SNCAIP: variants seen among roughly 807,000 people sequenced by gnomAD.
SNCAIP encodes synphilin-1.
A neutral mutation model predicts 86.7 loss-of-function variants in SNCAIP; 43 were observed. That is an observed-to-expected ratio of 0.50 (90% CI 0.39 to 0.64). The LOEUF is 0.64. Ranked by LOEUF, SNCAIP falls within the 30% of genes least tolerant of loss-of-function variation. SNCAIP has a pLI of 0.00. For missense variants in SNCAIP, 981 were observed against 1,103.1 expected (o/e 0.89, Z 1.57); for synonymous variants, 417 against 427.2 (o/e 0.98, Z 0.29).
intron 6 of SNCAIP, chr5:122,440,407 A>G: frequency 1.8e-6 from 1 of 545,172 alleles, no homozygotes; most frequent in African/African-American, 1.9e-5. Context: ...GAGCGCTTCC[A>G]AGGGAGCTTC....
intron 1 of SNCAIP, among the ~76,000 whole-genome samples, chr5:122,315,626 C>G (rs1205278912): frequency 6.6e-6 from 1 of 152,130 alleles, no homozygotes; most frequent in African/African-American, 2.4e-5. Flanking sequence ...CATATTGGAG[C>G]CTGCTTAGCA....
chr5:122,403,912 A>G (rs1014726059), intron 3 of SNCAIP, 47 bp downstream of exon 3: 2 of 1,436,334 alleles, frequency 1.4e-6, no homozygotes, highest in East Asian at 2.3e-5. Flanking sequence ...CTCAGTGTTA[A>G]TGGCTCCTGG....
chr5:122,460,166 GGC>G lies in SNCAIP; in HGVS notation c.2755-3324_2755-3323del, dbSNP rs907359995. ...AAACAGGGTCTTGCTCAGTCACCTAGGCTGCAGTGCAGTCGTGTGATCTTGGC... is the reference window on the plus strand; with the variant it reads ...AAACAGGGTCTTGCTCAGTCACCTAGTGCAGTGCAGTCGTGTGATCTTGGC... On this transcript the variant is annotated intron_variant, in intron 10 of 10. Coordinates refer to ENST00000261368, the MANE Select transcript of SNCAIP (RefSeq NM_005460.4). Among the ~76,000 whole-genome samples, 58 of 151,298 alleles carry G rather than the reference GGC, an allele frequency of 3.8e-4. 1 individual carries two copies. Among genetic ancestry groups the G allele is most frequent in the Admixed American group, 3.4e-3 (52 of 15,196 alleles).
chr5:122,346,936 T>G (rs1758726019), intron 1 of SNCAIP, among the ~76,000 whole-genome samples: 1 of 152,010 alleles, frequency 6.6e-6, no homozygotes, highest in South Asian at 2.1e-4. Context: ...ATTAATGATA[T>G]GGATACAATT....
intron 1 of SNCAIP, among the ~76,000 whole-genome samples, chr5:122,315,430 A>G (rs1029517172): frequency 6.6e-6 from 1 of 152,216 alleles, no homozygotes; most frequent in Non-Finnish European, 1.5e-5. Flanking sequence ...CTTGAATCAC[A>G]TTAGCTACTC....
chr5:122,374,578 G>C (rs1004259220), intron 1 of SNCAIP, among the ~76,000 whole-genome samples: 15 of 152,092 alleles, frequency 9.9e-5, no homozygotes, highest in African/African-American at 3.6e-4. Flanking sequence ...TTCCAAAAGG[G>C]TCTCTAGAAA....
In SNCAIP at chr5:122,450,623, A is replaced by G. The variant is rs1783522270; in HGVS notation, c.1776A>G (p.Gln592=). The G allele has an allele frequency of 6.2e-7, 1 of 1,614,126 alleles. No individual in the cohort carries two copies. The highest frequency in any genetic ancestry group is 1.1e-5 in the South Asian group (1 of 91,078). ...DSVAKSKPGV[Q]EGIQVLGSLS... ...TAGCCAAAAGCAAGCCAGGAGTCCA[A>G]GAGGGGATTCAGGTTCTTGGAAGCC... is the stretch of plus-strand genomic sequence containing the variant. The change falls in exon 10 of 11, where the codon CAA becomes CAG. Residue 592 remains glutamine, a synonymous_variant. Coordinates refer to ENST00000261368, the MANE Select transcript of SNCAIP (RefSeq NM_005460.4).
At chr5:122,333,884 T>C (rs1022647478) in intron 1 of SNCAIP, among the ~76,000 whole-genome samples, 1 of 152,188 alleles carries the variant, frequency 6.6e-6, no homozygotes, top group African/African-American at 2.4e-5. Flanking sequence ...AAGGCCACAG[T>C]GGGCTGAATT....
chr5:122,381,148 G>A, intron 1 of SNCAIP, among the ~76,000 whole-genome samples: 2 of 140,174 alleles, frequency 1.4e-5, no homozygotes, highest in Admixed American at 7.1e-5. Context: ...GGGTGTTAAA[G>A]TCTCCCATTA....
At chr5:122,359,531 T>C (rs1354058310) in intron 1 of SNCAIP, among the ~76,000 whole-genome samples, 1 of 151,454 alleles carries the variant, frequency 6.6e-6, no homozygotes, top group Non-Finnish European at 1.5e-5. Flanking sequence ...GCCTGGCAAA[T>C]TTTTTGTATT....
intron 6 of SNCAIP, among the ~76,000 whole-genome samples, chr5:122,435,756 C>T (rs1308471860): frequency 2.6e-5 from 4 of 152,004 alleles, no homozygotes; most frequent in Non-Finnish European, 5.9e-5. Flanking sequence ...GGGGTGTTCC[C>T]GCAGGCTGTG....
chr5:122,406,758 G>T (rs1021152330), intron 3 of SNCAIP, among the ~76,000 whole-genome samples: 2 of 152,098 alleles, frequency 1.3e-5, no homozygotes, highest in Non-Finnish European at 2.9e-5. Flanking sequence ...AGCAGAAGCC[G>T]CTATGCTTCC....
chr5:122,338,559 C>A (rs1319739714), intron 1 of SNCAIP, among the ~76,000 whole-genome samples: 1 of 152,110 alleles, frequency 6.6e-6, no homozygotes, highest in East Asian at 1.9e-4. Context: ...ATTTCGTATG[C>A]ACACATATAT....
chr5:122,385,855 A>G (rs1022549388), intron 1 of SNCAIP, among the ~76,000 whole-genome samples: 10 of 152,200 alleles, frequency 6.6e-5, no homozygotes, highest in Non-Finnish European at 1.3e-4. Flanking sequence ...CTTACTTTTA[A>G]TTACCAGGCC....
At chr5:122,411,426 T>C (rs10053331) in intron 3 of SNCAIP, among the ~76,000 whole-genome samples, 6,123 of 152,232 alleles carry the variant, frequency 0.04, 392 homozygotes, top group African/African-American at 0.14. Context: ...GAGCTTCTGT[T>C]ATAGCATCTC....
At chr5:122,458,434 A>C (rs1785313215) in intron 10 of SNCAIP, among the ~76,000 whole-genome samples, 1 of 152,026 alleles carries the variant, frequency 6.6e-6, no homozygotes, top group African/African-American at 2.4e-5. Context: ...TTAATGTCAT[A>C]TTTGCACCAC....
chr5:122,360,569 A>G lies in SNCAIP; in HGVS notation c.-46-30520A>G, dbSNP rs931097691. Among the ~76,000 whole-genome samples, 12 of 152,186 alleles carry G rather than the reference A, an allele frequency of 7.9e-5. 1 individual carries two copies. The highest frequency in any genetic ancestry group is 2.9e-4 in the African/African-American group (12 of 41,448). On this transcript the variant is annotated intron_variant, in intron 1 of 10. Transcript: ENST00000261368. ...ACCAGTTCTTGCTCTTTAATTAATG[A>G]ATGTTACTTAACCTATGTCTCCATT...
At chr5:122,333,392 T>C (rs1356479303) in intron 1 of SNCAIP, among the ~76,000 whole-genome samples, 2 of 152,380 alleles carry the variant, frequency 1.3e-5, no homozygotes, top group South Asian at 2.1e-4. Context: ...TCTCAGTTTA[T>C]TGACTTCCGC....
chr5:122,396,237 C>T (rs1165090849), intron 2 of SNCAIP, among the ~76,000 whole-genome samples: 1 of 152,018 alleles, frequency 6.6e-6, no homozygotes. Context: ...TTAATACCTG[C>T]CAGGAAATGA....
Sources: allele counts gnomAD v4.1 joint callset (sites outside exome capture counted in the v4.1 genomes callset), GRCh38; gene constraint gnomAD v4.1.1; transcripts MANE v1.5; gene names NCBI Gene and HGNC (gene_info 2026-07-23, HGNC 2026-07-21).